PCSK5: variants seen among roughly 807,000 people sequenced by gnomAD.
PCSK5 encodes the protein prohormone convertase 5.
In PCSK5, 129 loss-of-function variants were observed where a neutral mutation model predicts 233.2. The observed-to-expected ratio is 0.55, with a 90% confidence interval of 0.48 to 0.64. The LOEUF is 0.64. Ranked by LOEUF, PCSK5 falls within the 30% of genes least tolerant of loss-of-function variation. The probability of loss-of-function intolerance (pLI) is 0.00; values close to 1 mark genes in which losing one functional copy is unlikely to be tolerated. For missense variants in PCSK5, 2,076 were observed against 2,430.1 expected, an observed-to-expected ratio of 0.85 and a Z score of 3.06; for synonymous variants, 825 against 879.2, an observed-to-expected ratio of 0.94 and a Z score of 1.09.
intron 7 of PCSK5, 79 bp from the exon 8 acceptor site, chr9:76,095,811 C>T: frequency 8.0e-7 from 1 of 1,252,798 alleles, no homozygotes; most frequent in Non-Finnish European, 1.2e-6. Flanking sequence ...TGCACCTACT[C>T]AGTTTGGCTC....
intron 24 of PCSK5, among the ~76,000 whole-genome samples, chr9:76,270,209 C>A (rs1341604584): frequency 6.6e-6 from 1 of 152,142 alleles, no homozygotes; most frequent in South Asian, 2.1e-4. Context: ...TGTTTTTCAG[C>A]AGTTTTGTTT....
chr9:75,932,346 T>C (rs1185614899), intron 1 of PCSK5, 33 bp from the exon 2 acceptor site: 1 of 1,318,664 alleles, frequency 7.6e-7, no homozygotes, highest in African/African-American at 1.5e-5. Context: ...AATGTCTTTT[T>C]TTTGTTCTTT....
intron 5 of PCSK5, among the ~76,000 whole-genome samples, chr9:76,046,419 G>A (rs1481816347): frequency 1.3e-5 from 2 of 150,658 alleles, no homozygotes; most frequent in Non-Finnish European, 1.5e-5. Context: ...CTCATGATCC[G>A]CCCGCCTCGG....
At chr9:76,310,424 C>G (rs1420617140) in intron 29 of PCSK5, among the ~76,000 whole-genome samples, 1 of 152,098 alleles carries the variant, frequency 6.6e-6, no homozygotes, top group East Asian at 1.9e-4. Context: ...CCATCATGAC[C>G]TATACCTAAT....
chr9:76,040,206 C>G (rs1029097716), intron 5 of PCSK5, among the ~76,000 whole-genome samples: 2 of 152,070 alleles, frequency 1.3e-5, no homozygotes, highest in African/African-American at 4.8e-5. Flanking sequence ...AAACGGTTAA[C>G]ACTCCTCACT....
At chr9:76,291,493 G>A (rs1376049746) in intron 24 of PCSK5, among the ~76,000 whole-genome samples, 1 of 152,162 alleles carries the variant, frequency 6.6e-6, no homozygotes, top group Non-Finnish European at 1.5e-5. Flanking sequence ...TCTGTTATGT[G>A]CAAGAACTGC....
chr9:76,281,156 T>C (rs569524422), intron 24 of PCSK5, among the ~76,000 whole-genome samples: 1 of 152,320 alleles, frequency 6.6e-6, no homozygotes, highest in Non-Finnish European at 1.5e-5. Context: ...GCTAAGATCA[T>C]TGATGGAGGT....
chr9:75,895,389 T>G (rs1825763812), intron 1 of PCSK5, among the ~76,000 whole-genome samples: 1 of 152,196 alleles, frequency 6.6e-6, no homozygotes, highest in Non-Finnish European at 1.5e-5. Flanking sequence ...AGATCCAAAG[T>G]TTTAGATAAG....
chr9:76,348,044 G>T (rs746261302), intron 35 of PCSK5, among the ~76,000 whole-genome samples: 1 of 152,140 alleles, frequency 6.6e-6, no homozygotes, highest in Non-Finnish European at 1.5e-5. Flanking sequence ...GCCAAGGTGG[G>T]CAGATCACTT....
At chr9:76,000,561 A>G (rs1257259635) in intron 3 of PCSK5, among the ~76,000 whole-genome samples, 1 of 152,214 alleles carries the variant, frequency 6.6e-6, no homozygotes, top group Non-Finnish European at 1.5e-5. Flanking sequence ...CATTTGTTAC[A>G]GTGAGATACA....
chr9:76,329,834 G>GA (rs998322468), intron 33 of PCSK5, among the ~76,000 whole-genome samples: 6 of 151,570 alleles, frequency 4.0e-5, no homozygotes, highest in African/African-American at 7.3e-5. Context: ...CTCTATCTCA[G>GA]AAAAAAAAGA....
At chr9:75,962,124 A>G (rs961636970) in intron 2 of PCSK5, among the ~76,000 whole-genome samples, 17 of 16,912 alleles carry the variant, frequency 1.0e-3, no homozygotes, top group African/African-American at 5.4e-3. Context: ...TGCTCAAGTA[A>G]CTGGGGGAGG....
chr9:75,918,324 C>T (rs1823096070), intron 1 of PCSK5, among the ~76,000 whole-genome samples: 1 of 152,218 alleles, frequency 6.6e-6, no homozygotes, highest in Non-Finnish European at 1.5e-5. Context: ...ACCTCCTTCT[C>T]ACCTCTTGGA....
chr9:76,063,442 A>G (rs1830114167), intron 5 of PCSK5, among the ~76,000 whole-genome samples: 1 of 105,182 alleles, frequency 9.5e-6, no homozygotes, highest in Admixed American at 1.0e-4. Flanking sequence ...AAGTGAACAA[A>G]GGTCTCTGGT....
chr9:75,890,960 G>A lies in PCSK5; in HGVS notation c.-222G>A, dbSNP rs1167089393. On this transcript the variant is annotated 5_prime_UTR_variant, in exon 1 of 38. Coordinates refer to ENST00000674117, the MANE Select transcript of PCSK5 (RefSeq NM_001372043.1). ...AGCGCCCCACGGGCCGGAGAGCTGG[G>A]AGCACAGGTCCCGGCAGCCCCAGGG... 5.0e-6 allele frequency: 2 copies of A among 401,362 alleles called. No homozygotes were observed. Among genetic ancestry groups the A allele is most frequent in the Middle Eastern group, 6.2e-4 (1 of 1,612 alleles). 24.9% of individuals were successfully genotyped at this position (401,362 alleles called of 1,614,324 possible).
chr9:76,200,232 T>C (rs1430277830), intron 20 of PCSK5, among the ~76,000 whole-genome samples: 1 of 152,218 alleles, frequency 6.6e-6, no homozygotes, highest in Non-Finnish European at 1.5e-5. Flanking sequence ...TGCTGTCACC[T>C]CACACCACCA....
intron 35 of PCSK5, among the ~76,000 whole-genome samples, chr9:76,347,764 A>G (rs200987022): frequency 1.9e-4 from 18 of 92,432 alleles, no homozygotes; most frequent in African/African-American, 5.3e-4. Context: ...AAATAAAAAG[A>G]AAAAAAAAAA....
At chr9:76,064,083 T>C (rs1344550256) in intron 5 of PCSK5, among the ~76,000 whole-genome samples, 4 of 85,126 alleles carry the variant, frequency 4.7e-5, no homozygotes, top group Admixed American at 3.2e-4. Context: ...TAGGGGCAGC[T>C]GGGCAGAGGC....
At position 76,023,819 on chromosome 9, in the gene PCSK5, A is replaced by G. The variant is rs775031789; in HGVS notation, c.493A>G (p.Ile165Val). Reference sequence around the variant, plus strand: ...GAAGAGAGGCTACACGGGAAAGAACATTGTGGTCACTATCCTGGATGACGG... The same window carrying G: ...GAAGAGAGGCTACACGGGAAAGAACGTTGTGGTCACTATCCTGGATGACGG... ...AWKRGYTGKN[I>V]VVTILDDGIE... Residue 165 changes from isoleucine to valine, a missense_variant, in exon 4 of 38, where the codon ATT (isoleucine) becomes GTT (valine). By Grantham distance (29) the Ile-to-Val change is conservative. This residue lies in a region of PCSK5 where 190 missense variants were observed against 216.3 expected (regional missense o/e 0.88). Transcript: ENST00000674117. The G allele has an allele frequency of 6.2e-7, 1 of 1,613,600 alleles. No homozygotes were observed. The highest frequency in any genetic ancestry group is 1.7e-5 in the Admixed American group (1 of 59,998).
Sources: allele counts gnomAD v4.1 joint callset (sites outside exome capture counted in the v4.1 genomes callset), GRCh38; gene constraint gnomAD v4.1.1; regional missense constraint gnomAD v4.1.1; transcripts MANE v1.5; gene names NCBI Gene and HGNC (gene_info 2026-07-23, HGNC 2026-07-21).